The following WDR26 variants were observed in gnomAD, a reference collection of about 807,000 sequenced individuals.
WDR26 encodes WD repeat domain 26, also known as WD repeat-containing protein 26.
WDR26 carries 5 observed loss-of-function variants against 84.1 expected under a neutral mutation model. That is an observed-to-expected ratio of 0.06 (90% CI 0.03 to 0.13). The LOEUF is 0.13. WDR26 is among the 10% of genes least tolerant of loss of function. The pLI, the probability that WDR26 is intolerant of heterozygous loss-of-function variation, is 1.00. For synonymous variants in WDR26, 415 were observed against 389.6 expected, an observed-to-expected ratio of 1.07 and a Z score of -0.77; for missense variants, 642 against 974.9, an observed-to-expected ratio of 0.66 and a Z score of 4.55.
intron 6 of WDR26, chr1:224,413,265 C>T (rs938648676): frequency 2.7e-5 from 33 of 1,211,862 alleles, no homozygotes; most frequent in Non-Finnish European, 3.3e-5. Flanking sequence ...TTAAGTGTAT[C>T]TTGAAACACG....
chr1:224,431,639 T>C, intron 2 of WDR26, 43 bp downstream of exon 2: 1 of 1,610,054 alleles, frequency 6.2e-7, no homozygotes, highest in Non-Finnish European at 8.5e-7. Context: ...ATCAAATCTG[T>C]AATTTTAGCA....
intron 11 of WDR26, 92 bp downstream of exon 11, chr1:224,398,423 A>C (rs1256783221): frequency 1.5e-6 from 2 of 1,306,638 alleles, no homozygotes; most frequent in Non-Finnish European, 2.1e-6. Flanking sequence ...GGTAAGTAGA[A>C]AATTTTGTTA....
chr1:224,433,359 T>C (rs747730694), intron 1 of WDR26, among the ~76,000 whole-genome samples: 55 of 152,134 alleles, frequency 3.6e-4, no homozygotes, highest in Non-Finnish European at 1.2e-4. Flanking sequence ...GCATCTGTCT[T>C]TATTGACAGA....
intron 7 of WDR26, among the ~76,000 whole-genome samples, chr1:224,410,694 C>CTTT (rs397983007): frequency 0.013 from 1,488 of 118,906 alleles, 52 homozygotes; most frequent in African/African-American, 0.036. Context: ...ATCTTTCTTT[C>CTTT]TTTTTTTTTT....
chr1:224,424,805 T>C (rs904817284), intron 3 of WDR26, 151 bp from the exon 4 acceptor site: 6 of 899,894 alleles, frequency 6.7e-6, no homozygotes, highest in East Asian at 5.3e-5. Flanking sequence ...TATTTTAGTT[T>C]AGTAGAGCCA....
chr1:224,404,527 G>T lies in WDR26; in HGVS notation c.1502C>A (p.Ala501Asp). The change falls in exon 8 of 14, where the codon GCT becomes GAT. Residue 501 changes from alanine to aspartate, a missense_variant. Physicochemically the swap from Ala to Asp is moderately radical, Grantham distance 126. Transcript: ENST00000414423. ...CCATGCAATATAAGAAACGCCATAA[G>T]CATGTCCTTCTAATGTTTTAAGCAG... 1.2e-6 allele frequency: 2 copies of T among 1,613,948 alleles called. No homozygotes were observed. Among genetic ancestry groups the T allele is most frequent in the Non-Finnish European group, 1.7e-6 (2 of 1,179,902 alleles).
Position 224,418,274 on chromosome 1 carries a change from G to C in WDR26, c.1305C>G (p.Asp435Glu). ...TTTCCTCTTACCTACTACAAACATG[G>C]TCTATAAGCAGAGACACAGAATCTA... Residue 435 changes from aspartate to glutamate, a missense_variant, in exon 6 of 14, where the codon GAC becomes GAG. This residue lies in a region of WDR26 where 351 missense variants were observed against 672.8 expected (regional missense o/e 0.52). Transcript: ENST00000414423. The C allele has an allele frequency of 1.2e-6, 2 of 1,609,808 alleles. No homozygotes were observed. The highest frequency in any genetic ancestry group is 2.2e-5 in the South Asian group (2 of 89,972).
intron 12 of WDR26, 42 bp downstream of exon 12, chr1:224,398,055 C>A (rs1176964015): frequency 1.9e-6 from 3 of 1,590,926 alleles, no homozygotes; most frequent in Non-Finnish European, 2.6e-6. Context: ...GATTTACAGA[C>A]TTTAATATCA....
intron 1 of WDR26, 78 bp downstream of exon 1, chr1:224,433,606 C>CCCCCCCCCCA: frequency 1.4e-6 from 1 of 710,324 alleles, no homozygotes; most frequent in Non-Finnish European, 2.0e-6. Context: ...CCCCTCCCCC[C>CCCCCCCCCCA]TCCGCCCCTT....
intron 13 of WDR26, among the ~76,000 whole-genome samples, chr1:224,391,011 A>C (rs1673108084): frequency 6.6e-6 from 1 of 151,938 alleles, no homozygotes; most frequent in Non-Finnish European, 1.5e-5. Context: ...TCTTTCACTT[A>C]GCATATTGTT....
intron 7 of WDR26, among the ~76,000 whole-genome samples, chr1:224,407,141 A>ATAT (rs1553355668): frequency 5.6e-5 from 2 of 35,596 alleles, no homozygotes; most frequent in African/African-American, 2.5e-4. Context: ...AAAAAAAAAA[A>ATAT]AAAAAAAAAA....
rs946756419 is a variant in WDR26 at position 224,434,783 on chromosome 1, C to G, written c.-378G>C. The G allele has an allele frequency of 1.6e-5, 16 of 986,342 alleles. No individual in the cohort carries two copies. Among genetic ancestry groups the G allele is most frequent in the Non-Finnish European group, 1.9e-5 (16 of 830,436 alleles). The allele number at this position is 986,342 out of a possible 1,614,324, so 61.1% of individuals were successfully genotyped here. A position where few individuals can be genotyped will look rare whatever the true frequency, so the allele number is the denominator to read the frequency against. ...CTCCCTGGTGTGTTGATTCTTCCCC[C>G]AGCTGCTGCCTAATGGAGTCCAGGC... On this transcript the variant is annotated 5_prime_UTR_variant, in exon 1 of 14. Transcript: ENST00000414423.
At chr1:224,411,288 C>T (rs1402187604) in intron 7 of WDR26, 139 bp downstream of exon 7, 1 of 861,656 alleles carries the variant, frequency 1.2e-6, no homozygotes. Context: ...CTATACAACA[C>T]ATGAAGATGT....
At chr1:224,390,595 G>A (rs1466705980) in intron 13 of WDR26, among the ~76,000 whole-genome samples, 1 of 152,144 alleles carries the variant, frequency 6.6e-6, no homozygotes, top group African/African-American at 2.4e-5. Context: ...AAATTCTACA[G>A]TATCATCCTA....
intron 6 of WDR26, among the ~76,000 whole-genome samples, chr1:224,416,207 A>C (rs938045331): frequency 2.0e-5 from 3 of 151,924 alleles, no homozygotes; most frequent in African/African-American, 7.2e-5. Context: ...TTCCTCTGTA[A>C]AACTCTGAAC....
intron 1 of WDR26, among the ~76,000 whole-genome samples, chr1:224,432,063 A>C (rs988209489): frequency 7.2e-5 from 11 of 152,216 alleles, no homozygotes; most frequent in African/African-American, 2.7e-4. Context: ...TAAAATTTCT[A>C]AAAATGTGCT....
chr1:224,425,771 T>C (rs983996449), intron 3 of WDR26, among the ~76,000 whole-genome samples: 1 of 152,212 alleles, frequency 6.6e-6, no homozygotes, highest in African/African-American at 2.4e-5. Context: ...GTTAGTCATA[T>C]TTAGAGACTC....
intron 4 of WDR26, among the ~76,000 whole-genome samples, chr1:224,423,785 C>T (rs1312463434): frequency 1.3e-5 from 2 of 152,084 alleles, no homozygotes; most frequent in Non-Finnish European, 2.9e-5. Context: ...AGTAGATATA[C>T]ATATTGGGAG....
At chr1:224,409,521 A>C (rs1300026093) in intron 7 of WDR26, among the ~76,000 whole-genome samples, 1 of 152,220 alleles carries the variant, frequency 6.6e-6, no homozygotes, top group Non-Finnish European at 1.5e-5. Context: ...TAGCATACAT[A>C]GGTATGCAAG....
Sources: gnomAD v4.1 joint callset for allele counts (sites outside exome capture counted in the v4.1 genomes callset) on GRCh38, gnomAD v4.1.1 for gene constraint, gnomAD v4.1.1 regional missense constraint, MANE v1.5 for transcripts, NCBI Gene and HGNC (gene_info 2026-07-23, HGNC 2026-07-21) for gene names.